CACNA1D: variants seen among roughly 807,000 people sequenced by gnomAD.
CACNA1D encodes the protein voltage-dependent L-type calcium channel subunit alpha-1D.
Under a neutral mutation model 257.1 loss-of-function variants are expected in CACNA1D, and 55 were observed. That is an observed-to-expected ratio of 0.21 (90% CI 0.17 to 0.27). The LOEUF (loss-of-function observed/expected upper bound fraction) is 0.27, where lower values mean the gene tolerates loss of function less well. Among genes scored for constraint, CACNA1D ranks in the 10% least tolerant of loss-of-function variants. The probability of loss-of-function intolerance (pLI) is 1.00; values close to 1 mark genes in which losing one functional copy is unlikely to be tolerated. For missense variants in CACNA1D, 1,876 were observed against 2,784.0 expected, an observed-to-expected ratio of 0.67 and a Z score of 7.34; for synonymous variants, 980 against 1,014.9, an observed-to-expected ratio of 0.97 and a Z score of 0.65.
chr3:53,659,169 G>A (rs1049168341), intron 4 of CACNA1D, among the ~76,000 whole-genome samples: 9 of 152,160 alleles, frequency 5.9e-5, no homozygotes, highest in Admixed American at 2.6e-4. Flanking sequence ...AAGAGTATTT[G>A]TTTAAAAGAG....
At chr3:53,761,920 G>A (rs2095305111) in intron 29 of CACNA1D, 78 bp from the exon 30 acceptor site, 5 of 1,012,962 alleles carry the variant, frequency 4.9e-6, no homozygotes, top group South Asian at 2.5e-5. Context: ...GCAGGGACTC[G>A]GATTCGCCCC....
chr3:53,762,620 A>G (rs562812250), intron 30 of CACNA1D: 15 of 456,760 alleles, frequency 3.3e-5, no homozygotes, highest in African/African-American at 2.4e-4. Context: ...TGATATTGCT[A>G]TAACTGAAGT....
chr3:53,754,419 C>G (rs1373161624), intron 29 of CACNA1D, among the ~76,000 whole-genome samples: 1 of 152,160 alleles, frequency 6.6e-6, no homozygotes, highest in African/African-American at 2.4e-5. Context: ...ACAGCTGAAA[C>G]AAGTTCCTTT....
chr3:53,520,349 T>C (rs1050652754), intron 3 of CACNA1D, among the ~76,000 whole-genome samples: 1 of 152,248 alleles, frequency 6.6e-6, no homozygotes. Flanking sequence ...GCATATGAAG[T>C]GGTATCTCAT....
chr3:53,624,576 C>T (rs1321141962), intron 3 of CACNA1D, among the ~76,000 whole-genome samples: 2 of 152,120 alleles, frequency 1.3e-5, no homozygotes, highest in Non-Finnish European at 2.9e-5. Context: ...ATCTGGAAGG[C>T]GTGTTTTCCT....
chr3:53,793,502 G>A lies in CACNA1D; in HGVS notation c.4923+6550G>A, dbSNP rs1029388669. On this transcript the variant is annotated intron_variant, in intron 40 of 47. Coordinates refer to ENST00000350061, the MANE Select transcript of CACNA1D (RefSeq NM_001128840.3). This position sits in a 1 kb window ranked among gnomAD's most constrained non-coding sequence, Gnocchi z 4.1. Reference sequence around the variant, plus strand: ...CCAAGATTCCATACACTCAGGCCTCGGCAGAAAGGCCCCAAGCGATTCAAG... The same window carrying A: ...CCAAGATTCCATACACTCAGGCCTCAGCAGAAAGGCCCCAAGCGATTCAAG... Among the ~76,000 whole-genome samples, 4 of 152,140 alleles carry A rather than the reference G, an allele frequency of 2.6e-5. No homozygotes were observed. Among genetic ancestry groups the A allele is most frequent in the South Asian group, 2.1e-4 (1 of 4,830 alleles).
intron 3 of CACNA1D, among the ~76,000 whole-genome samples, chr3:53,560,263 G>A (rs1350800471): frequency 6.6e-6 from 1 of 151,914 alleles, no homozygotes; most frequent in African/African-American, 2.4e-5. Context: ...CAATCTATTT[G>A]TTGTTATTTA....
intron 3 of CACNA1D, among the ~76,000 whole-genome samples, chr3:53,536,690 T>C (rs1356471024): frequency 6.6e-6 from 1 of 152,250 alleles, no homozygotes; most frequent in African/African-American, 2.4e-5. Context: ...TAATATCTTG[T>C]GACATATAAA....
chr3:53,653,578 G>C (rs1423765039), intron 4 of CACNA1D, among the ~76,000 whole-genome samples: 1 of 152,102 alleles, frequency 6.6e-6, no homozygotes, highest in Non-Finnish European at 1.5e-5. Flanking sequence ...AAATTCTCTG[G>C]TTTGGCTTAA....
intron 8 of CACNA1D, among the ~76,000 whole-genome samples, chr3:53,689,297 C>A (rs2094499409): frequency 6.6e-6 from 1 of 151,204 alleles, no homozygotes; most frequent in Non-Finnish European, 1.5e-5. Flanking sequence ...GGCTGGTGAG[C>A]AGTGGGCAGA....
At chr3:53,569,160 T>G (rs1470595924) in intron 3 of CACNA1D, among the ~76,000 whole-genome samples, 1 of 152,194 alleles carries the variant, frequency 6.6e-6, no homozygotes, top group African/African-American at 2.4e-5. Context: ...TTAGGCCTTC[T>G]CCTCCTATTT....
intron 3 of CACNA1D, among the ~76,000 whole-genome samples, chr3:53,613,483 G>A (rs2093604339): frequency 6.6e-6 from 1 of 152,132 alleles, no homozygotes; most frequent in Admixed American, 6.5e-5. Flanking sequence ...GACTTGGGAT[G>A]AGACACTCCA....
intron 30 of CACNA1D, among the ~76,000 whole-genome samples, chr3:53,768,825 C>G (rs2095349663): frequency 6.6e-6 from 1 of 152,216 alleles, no homozygotes; most frequent in Non-Finnish European, 1.5e-5. Flanking sequence ...CTCTACCTTT[C>G]CCCAGATCCC....
chr3:53,702,843 A>T (rs939795976), intron 9 of CACNA1D, 33 bp downstream of exon 9: 1 of 1,613,086 alleles, frequency 6.2e-7, no homozygotes, highest in African/African-American at 1.3e-5. Context: ...CTGGCTAGAC[A>T]GACCCAGTGT....
intron 3 of CACNA1D, among the ~76,000 whole-genome samples, chr3:53,506,748 ATCTT>A (rs906322951): frequency 2.6e-5 from 4 of 152,220 alleles, no homozygotes; most frequent in Non-Finnish European, 1.5e-5. Flanking sequence ...TCAGGAGTAT[ATCTT>A]TCTTTCTTGG....
intron 39 of CACNA1D, chr3:53,782,003 C>T (rs2095427669): frequency 3.6e-6 from 1 of 280,882 alleles, no homozygotes; most frequent in East Asian, 8.7e-5. Flanking sequence ...ATATTCAAAA[C>T]TAGTTTCCAA....
chr3:53,738,854 T>A (rs1354309215), intron 20 of CACNA1D, among the ~76,000 whole-genome samples: 2 of 151,748 alleles, frequency 1.3e-5, no homozygotes, highest in Non-Finnish European at 2.9e-5. Context: ...TGTAGACTTG[T>A]GGGCTGCAGT....
intron 19 of CACNA1D, among the ~76,000 whole-genome samples, chr3:53,733,944 G>T (rs1407267132): frequency 2.2e-5 from 3 of 136,636 alleles, no homozygotes; most frequent in Admixed American, 1.5e-4. Context: ...GTGTGTGTGT[G>T]TGTGTGTGTA....
At chr3:53,643,990 A>AT (rs1161346617) in intron 3 of CACNA1D, among the ~76,000 whole-genome samples, 1 of 152,240 alleles carries the variant, frequency 6.6e-6, no homozygotes, top group Non-Finnish European at 1.5e-5. Context: ...CGCTGGTATC[A>AT]TAGAACTTCT....
Sources: gnomAD v4.1 joint callset for allele counts (sites outside exome capture counted in the v4.1 genomes callset) on GRCh38, gnomAD v4.1.1 for gene constraint, Gnocchi (gnomAD v3.1) non-coding constraint, MANE v1.5 for transcripts, NCBI Gene and HGNC (gene_info 2026-07-23, HGNC 2026-07-21) for gene names.